GIT1: variants seen among roughly 807,000 people sequenced by gnomAD.
GIT1 encodes ARF GTPase-activating protein GIT1.
Under a neutral mutation model 91.7 loss-of-function variants are expected in GIT1, and 14 were observed. That is an observed-to-expected ratio of 0.15 (90% CI 0.10 to 0.24). The LOEUF is 0.24. GIT1 is among the 10% of genes least tolerant of loss of function. The pLI is 1.00. For synonymous variants in GIT1, 414 were observed against 418.2 expected, an observed-to-expected ratio of 0.99 and a Z score of 0.12; for missense variants, 717 against 1,024.9, an observed-to-expected ratio of 0.70 and a Z score of 4.10.
At chr17:29,584,959 CTTTTTT>C (rs11419578) in intron 1 of GIT1, among the ~76,000 whole-genome samples, 26 of 102,396 alleles carry the variant, frequency 2.5e-4, no homozygotes, top group African/African-American at 8.7e-4. Flanking sequence ...TGGGTTTAGG[CTTTTTT>C]TTTTTTTTTT....
chr17:29,584,888 C>G (rs1380692812), intron 1 of GIT1, among the ~76,000 whole-genome samples: 1 of 151,976 alleles, frequency 6.6e-6, no homozygotes, highest in East Asian at 1.9e-4. Context: ...TGAGCTCTGC[C>G]CACAGCAAGT....
In GIT1 at chr17:29,581,814, C is replaced by T; in HGVS notation, c.646G>A (p.Ala216Thr). 6.2e-7 allele frequency: 1 copy of T among 1,612,718 alleles called. No individual in the cohort carries two copies. Among genetic ancestry groups the T allele is most frequent in the Non-Finnish European group, 8.5e-7 (1 of 1,179,954 alleles). ...TATTGGCACTCAACCAGCCTTTCCG[C>T]CAGCTCATGGTGCCCCGCCTGCCTG... is the stretch of plus-strand genomic sequence containing the variant. ...YARQAGHHEL[A>T]ERLVECQYEL... The change falls in exon 6 of 20, where the codon GCG becomes ACG. Residue 216 changes from alanine to threonine, a missense_variant. By Grantham distance (58) the Ala-to-Thr change is moderately conservative. Around this residue, in one of 3 missense-constraint regions of GIT1, gnomAD observed 271 missense variants for 451.6 expected, o/e 0.60. Transcript: ENST00000225394. The surrounding 1 kb of genome is among the most constrained non-coding windows in gnomAD (Gnocchi z 4.8).
rs903204033 is a variant in GIT1, at chr17:29,589,204, T to G, written c.52+123A>C. 27 of 285,124 alleles carry G rather than the reference T, an allele frequency of 9.5e-5. No homozygotes were observed. The highest frequency in any genetic ancestry group is 1.3e-4 in the Non-Finnish European group (25 of 188,724). 17.7% of individuals were successfully genotyped at this position (285,124 alleles called of 1,614,324 possible). The stretch of plus-strand genomic sequence containing the variant: ...CAGTGGCCGAGGCGGGGGCCCAGCC[T>G]GGAGGCCGCAGCCCCCCGCCCCGCC... On this transcript the variant is annotated intron_variant, in intron 1 of 19. Coordinates refer to ENST00000225394, the MANE Select transcript of GIT1 (RefSeq NM_014030.4). The surrounding 1 kb of genome is among the most constrained non-coding windows in gnomAD (Gnocchi z 5.2).
At chr17:29,584,592 G>A (rs534530377) in intron 1 of GIT1, among the ~76,000 whole-genome samples, 45 of 152,308 alleles carry the variant, frequency 3.0e-4, no homozygotes, top group African/African-American at 1.1e-3. Flanking sequence ...ATTGTGTGCC[G>A]CCTGAGAGTG....
chr17:29,584,813 C>T (rs549904058), intron 1 of GIT1, among the ~76,000 whole-genome samples: 25 of 152,260 alleles, frequency 1.6e-4, no homozygotes, highest in Middle Eastern at 3.4e-3. Flanking sequence ...CAGGCCTTTC[C>T]CCTCTAAGGA....
At chr17:29,576,190 C>T (rs1368576061) in intron 14 of GIT1, 30 bp downstream of exon 14, 1 of 1,608,656 alleles carries the variant, frequency 6.2e-7, no homozygotes, top group East Asian at 2.2e-5. Context: ...CACCCATCTC[C>T]CCACACCTTG....
At position 29,576,015 on chromosome 17, in the gene GIT1, G is replaced by T. The variant is rs753532899; in HGVS notation, c.1665+63C>A. ...TCTTAAGCCCCGAATTCAGCACAGA[G>T]CCCAGAACCCCCTGGGGCTCAGAAC... is the stretch of plus-strand genomic sequence containing the variant. On this transcript the variant is annotated intron_variant, in intron 15 of 19. Transcript: ENST00000225394. 2.5e-6 allele frequency: 4 copies of T among 1,576,582 alleles called. No homozygotes were observed. In the East Asian group the frequency reaches 6.7e-5, roughly 26 times the overall value.
At chr17:29,588,581 C>T (rs192504725) in intron 1 of GIT1, among the ~76,000 whole-genome samples, 1 of 152,282 alleles carries the variant, frequency 6.6e-6, no homozygotes, top group Non-Finnish European at 1.5e-5. Flanking sequence ...GGGAGGGGCC[C>T]GCACCCAGGA....
rs754607179 is a variant in GIT1 at position 29,583,432 on chromosome 17, C to G, written c.186+51G>C. The G allele has an allele frequency of 1.0e-5, 16 of 1,591,396 alleles. No individual in the cohort carries two copies. The East Asian group carries it at 3.4e-4, about 33-fold the overall frequency. On this transcript the variant is annotated intron_variant, in intron 2 of 19. Coordinates refer to ENST00000225394, the MANE Select transcript of GIT1 (RefSeq NM_014030.4). ...GGTGAGGGGGAAACGCCCTCATGCTCAGCACACTCTGCCTGAGGGGAAGGA... is the reference window on the plus strand; with the variant it reads ...GGTGAGGGGGAAACGCCCTCATGCTGAGCACACTCTGCCTGAGGGGAAGGA...
At chr17:29,586,082 A>G (rs2033586704) in intron 1 of GIT1, among the ~76,000 whole-genome samples, 1 of 152,166 alleles carries the variant, frequency 6.6e-6, no homozygotes, top group Non-Finnish European at 1.5e-5. Flanking sequence ...AAAAGCCCAC[A>G]TCATGAAGGC....
Position 29,574,763 on chromosome 17 carries a change from T to C in GIT1, c.2225A>G (p.Tyr742Cys). Residue 742 changes from tyrosine (Y) to cysteine (C), a missense_variant, in exon 20 of 20, where the codon TAT (tyrosine) becomes TGT (cysteine). Tyr to Cys is a radical substitution (Grantham distance 194). Transcript: ENST00000225394. ...CTGCTTGGCAGCCTTGGCGATGTCA[T>C]AGGCGCACTGGATCACCTGCTGAGT... is the stretch of plus-strand genomic sequence containing the variant. Reference protein sequence around the residue: ...LLTQQVIQCAYDIAKAAKQLV... With the variant: ...LLTQQVIQCACDIAKAAKQLV... 1.2e-6 allele frequency: 2 copies of C among 1,613,588 alleles called. No individual in the cohort carries two copies. The highest frequency in any genetic ancestry group is 1.3e-5 in the African/African-American group (1 of 75,048).
chr17:29,577,602 G>A, intron 10 of GIT1, 43 bp downstream of exon 10: 1 of 1,276,936 alleles, frequency 7.8e-7, no homozygotes, highest in Non-Finnish European at 1.1e-6. Flanking sequence ...GGGACCGCGG[G>A]GATGAAGTAG....
Position 29,577,138 on chromosome 17 carries a change from G to A in GIT1, c.1091C>T (p.Thr364Ile), listed in dbSNP as rs1205688642. The change falls in exon 11 of 20, where the codon ACA becomes ATA. Residue 364 changes from threonine to isoleucine, a missense_variant and splice_region_variant. Physicochemically the swap from Thr to Ile is moderately conservative, Grantham distance 89. This residue lies in a region of GIT1 where 312 missense variants were observed against 349.5 expected (regional missense o/e 0.89). Coordinates refer to ENST00000225394, the MANE Select transcript of GIT1 (RefSeq NM_014030.4). ...RQQGKSLSSPTDNLELSLRSQ... is the reference protein window; with the variant it reads ...RQQGKSLSSPIDNLELSLRSQ... ...ACCCTCCCACACAACCCTCCCACCTGTGGGGCTGCTCAGGCTCTTGCCCTG... is the reference window on the plus strand; with the variant it reads ...ACCCTCCCACACAACCCTCCCACCTATGGGGCTGCTCAGGCTCTTGCCCTG... The A allele has an allele frequency of 6.2e-7, 1 of 1,613,382 alleles. No homozygotes were observed. The highest frequency in any genetic ancestry group is 1.7e-5 in the Admixed American group (1 of 60,022).
Position 29,577,145 on chromosome 17 carries a change from T to C in GIT1, c.1084A>G (p.Ser362Gly), listed in dbSNP as rs1018333380. The change falls in exon 11 of 20, where the codon AGC (serine) becomes GGC (glycine). Residue 362 changes from serine to glycine, a missense_variant. This residue lies in a region of GIT1 where 312 missense variants were observed against 349.5 expected (regional missense o/e 0.89). Coordinates refer to ENST00000225394, the MANE Select transcript of GIT1 (RefSeq NM_014030.4). ...KRRQQGKSLS[S>G]PTDNLELSLR... ...CACACAACCCTCCCACCTGTGGGGCTGCTCAGGCTCTTGCCCTGCTGTCTC... is the reference window on the plus strand; with the variant it reads ...CACACAACCCTCCCACCTGTGGGGCCGCTCAGGCTCTTGCCCTGCTGTCTC... The C allele has an allele frequency of 6.2e-7, 1 of 1,613,514 alleles. No individual in the cohort carries two copies. Among genetic ancestry groups the C allele is most frequent in the Non-Finnish European group, 8.5e-7 (1 of 1,179,640 alleles).
rs1289549720 is a variant in GIT1 at position 29,575,070 on chromosome 17, C to A, written c.2073+9G>T. On this transcript the variant is annotated intron_variant, in intron 19 of 19. Coordinates refer to ENST00000225394, the MANE Select transcript of GIT1 (RefSeq NM_014030.4). The surrounding 1 kb of genome is among the most constrained non-coding windows in gnomAD (Gnocchi z 5.5). ...CTCCCACTCCTGGTCCTCTCTTTGG[C>A]CCCTGTACCTTTGGGAAGAGGGAGG... is the stretch of plus-strand genomic sequence containing the variant. 1 of 1,586,186 alleles carries A rather than the reference C, an allele frequency of 6.3e-7. No individual in the cohort carries two copies. The highest frequency in any genetic ancestry group is 8.6e-7 in the Non-Finnish European group (1 of 1,160,852).
chr17:29,585,196 G>A (rs563560339), intron 1 of GIT1, among the ~76,000 whole-genome samples: 62 of 152,132 alleles, frequency 4.1e-4, no homozygotes, highest in African/African-American at 1.4e-3. Flanking sequence ...CCCAAATAGT[G>A]AGGCACCCCA....
intron 1 of GIT1, among the ~76,000 whole-genome samples, chr17:29,588,230 G>A (rs994313197): frequency 1.3e-5 from 2 of 152,322 alleles, no homozygotes; most frequent in African/African-American, 4.8e-5. Context: ...AGCCCCGCTA[G>A]AGTTCACGGA....
Position 29,589,266 on chromosome 17 carries a change from C to T in GIT1, c.52+61G>A. ...CCCCGCACAGCGCTCTTGCCAGGCC[C>T]CGGCGCCCGCCCGGCGGCGGCCTGG... On this transcript the variant is annotated intron_variant, in intron 1 of 19. Coordinates refer to ENST00000225394, the MANE Select transcript of GIT1 (RefSeq NM_014030.4). This position sits in a 1 kb window ranked among gnomAD's most constrained non-coding sequence, Gnocchi z 5.2. 12 of 741,796 alleles carry T rather than the reference C, an allele frequency of 1.6e-5. No individual in the cohort carries two copies. The highest frequency in any genetic ancestry group is 2.0e-5 in the Non-Finnish European group (12 of 605,076). 46.0% of individuals were successfully genotyped at this position (741,796 alleles called of 1,614,324 possible).
chr17:29,588,793 G>A (rs1273702705), intron 1 of GIT1, among the ~76,000 whole-genome samples: 2 of 152,322 alleles, frequency 1.3e-5, no homozygotes, highest in Middle Eastern at 3.4e-3. Flanking sequence ...CCTGGGAGTA[G>A]CCACCGCTCA....
Sources: gnomAD v4.1 joint callset for allele counts (sites outside exome capture counted in the v4.1 genomes callset) on GRCh38, gnomAD v4.1.1 for gene constraint, gnomAD v4.1.1 regional missense constraint, Gnocchi (gnomAD v3.1) non-coding constraint, MANE v1.5 for transcripts, NCBI Gene and HGNC (gene_info 2026-07-23, HGNC 2026-07-21) for gene names.